The following SUSD1 variants were observed in gnomAD, a reference collection of about 807,000 sequenced individuals.
SUSD1 encodes sushi domain containing 1.
In SUSD1, 65 loss-of-function variants were observed where a neutral mutation model predicts 86.9. The observed-to-expected ratio is 0.75, with a 90% CI of 0.61 to 0.92. SUSD1 has a LOEUF of 0.92. Among genes scored for constraint, SUSD1 ranks in the 40% least tolerant of loss-of-function variants. SUSD1 has a pLI of 0.00. For missense variants in SUSD1, 850 were observed against 929.7 expected (o/e 0.91, Z 1.11); for synonymous variants, 346 against 350.0 (o/e 0.99, Z 0.13).
intron 13 of SUSD1, among the ~76,000 whole-genome samples, chr9:112,059,655 T>C (rs1828624005): frequency 6.6e-6 from 1 of 152,218 alleles, no homozygotes; most frequent in Non-Finnish European, 1.5e-5. Context: ...GTTCCCCAAT[T>C]GTGGACAGAA....
intron 15 of SUSD1, among the ~76,000 whole-genome samples, chr9:112,050,417 G>A (rs190045853): frequency 6.6e-6 from 1 of 152,320 alleles, no homozygotes; most frequent in East Asian, 1.9e-4. Flanking sequence ...AAGATCAGGA[G>A]AGAAGCAGAC....
rs1564291903 is a variant in SUSD1, at chr9:112,098,548, C to CA, written c.1395dup (p.Asp466Ter). ...AGCAGGGTCACATTCACCGTATAAT[C>CA]AGTCGTAGGGTACAGATCCAAACAC... is the stretch of plus-strand genomic sequence containing the variant. On this transcript the variant is annotated frameshift_variant, in exon 10 of 17. Transcript: ENST00000374270. LOFTEE classifies it high-confidence loss of function. 3 of 1,614,200 alleles carry CA rather than the reference C, an allele frequency of 1.9e-6. No homozygotes were observed. The highest frequency in any genetic ancestry group is 1.7e-6 in the Non-Finnish European group (2 of 1,180,024).
At chr9:112,141,835 CAT>C (rs1400740560) in intron 5 of SUSD1, among the ~76,000 whole-genome samples, 1 of 141,396 alleles carries the variant, frequency 7.1e-6, no homozygotes, top group African/African-American at 2.6e-5. Flanking sequence ...GTTATTCCCA[CAT>C]GACGTTTTTA....
intron 10 of SUSD1, among the ~76,000 whole-genome samples, chr9:112,081,049 G>A (rs2762465): frequency 0.16 from 24,922 of 152,138 alleles, 2,143 homozygotes; most frequent in East Asian, 0.24. Flanking sequence ...ATCTGATACA[G>A]TTTAATGTGG....
At chr9:112,159,986 G>A (rs1215746882) in intron 1 of SUSD1, among the ~76,000 whole-genome samples, 2 of 151,364 alleles carry the variant, frequency 1.3e-5, no homozygotes, top group South Asian at 2.1e-4. Context: ...GTCTCAGTTG[G>A]TTTGATGCCT....
intron 5 of SUSD1, among the ~76,000 whole-genome samples, chr9:112,141,177 CAGTA>C (rs1371670717): frequency 4.6e-5 from 7 of 152,258 alleles, no homozygotes; most frequent in African/African-American, 1.7e-4. Flanking sequence ...GCTGGCAGAG[CAGTA>C]AGTTTGTTTA....
chr9:112,059,740 T>C (rs1828627184), intron 13 of SUSD1, among the ~76,000 whole-genome samples: 1 of 152,206 alleles, frequency 6.6e-6, no homozygotes, highest in Non-Finnish European at 1.5e-5. Flanking sequence ...AGCCTGGCAG[T>C]GAAAGGACGT....
intron 6 of SUSD1, among the ~76,000 whole-genome samples, chr9:112,115,813 A>AAAAG: frequency 6.3e-5 from 1 of 15,952 alleles, no homozygotes; most frequent in South Asian, 4.4e-3. Flanking sequence ...CATTGCAAAA[A>AAAAG]AAAAAAAAAA....
intron 6 of SUSD1, 30 bp downstream of exon 6, chr9:112,124,227 G>A: frequency 6.3e-7 from 1 of 1,583,374 alleles, no homozygotes; most frequent in Non-Finnish European, 8.6e-7. Flanking sequence ...TTTGTTCCTG[G>A]GTAGCAGGAG....
Position 112,107,640 on chromosome 9 carries a change from C to CAA in SUSD1, c.1171+4012_1171+4013dup, listed in dbSNP as rs1830909840. ...GCTTTCAAGAAGGAAAAAAAGTAGA[C>CAA]AAAGGCATATCATGCAAATGCAAGC... On this transcript the variant is annotated intron_variant, in intron 8 of 16. Transcript: ENST00000374270. Among the ~76,000 whole-genome samples, 4 of 152,050 alleles carry CAA rather than the reference C, an allele frequency of 2.6e-5. No individual in the cohort carries two copies. The South Asian group carries it at 8.3e-4, about 32-fold the overall frequency.
rs1589671937 is a variant in SUSD1, at chr9:112,111,903, G to T, written c.985-63C>A. The T allele has an allele frequency of 1.9e-6, 3 of 1,538,496 alleles. No individual in the cohort carries two copies. In the East Asian group the frequency reaches 6.7e-5, roughly 35 times the overall value. On this transcript the variant is annotated intron_variant, in intron 7 of 16. Coordinates refer to ENST00000374270, the MANE Select transcript of SUSD1 (RefSeq NM_022486.5). ...CAGTCAAAACAATCCAGGATTTGTG[G>T]TGCTGGAGCCCATTCTCCTACTATT...
At chr9:112,107,041 G>C (rs1266503077) in intron 8 of SUSD1, among the ~76,000 whole-genome samples, 2 of 151,420 alleles carry the variant, frequency 1.3e-5, no homozygotes, top group African/African-American at 4.9e-5. Context: ...GACGCAGGAG[G>C]ATCCCTTGAG....
intron 10 of SUSD1, among the ~76,000 whole-genome samples, chr9:112,097,863 A>C (rs546940897): frequency 1.3e-5 from 2 of 152,150 alleles, no homozygotes; most frequent in South Asian, 2.1e-4. Context: ...TTGTCTGATA[A>C]ACCCACAGGA....
At chr9:112,147,836 C>T (rs986302420) in intron 3 of SUSD1, among the ~76,000 whole-genome samples, 5 of 143,666 alleles carry the variant, frequency 3.5e-5, no homozygotes, top group Non-Finnish European at 7.5e-5. Context: ...AGATCATCAT[C>T]TTATATGCTT....
intron 12 of SUSD1, among the ~76,000 whole-genome samples, chr9:112,069,232 C>T (rs571807417): frequency 3.3e-5 from 5 of 152,118 alleles, no homozygotes; most frequent in African/African-American, 1.2e-4. Flanking sequence ...AGTGTTAGGT[C>T]TAGAATTTCT....
rs916289892 is a variant in SUSD1, at chr9:112,141,845, TTA to T, written c.706+473_706+474del. Among the ~76,000 whole-genome samples the T allele has an allele frequency of 1.9e-4, 28 of 144,508 alleles. No individual in the cohort carries two copies. In the East Asian group the frequency reaches 5.0e-3, roughly 26 times the overall value. The allele number at this position is 144,508 out of a possible 152,430, so 94.8% of individuals were successfully genotyped here. A position where few individuals can be genotyped will look rare whatever the true frequency, so the allele number is the denominator to read the frequency against. ...TATATGTTATTCCCACATGACGTTT[TTA>T]TATATATATGTATATATATACATAT... is the stretch of plus-strand genomic sequence containing the variant. On this transcript the variant is annotated intron_variant, in intron 5 of 16. Coordinates refer to ENST00000374270, the MANE Select transcript of SUSD1 (RefSeq NM_022486.5).
intron 12 of SUSD1, among the ~76,000 whole-genome samples, chr9:112,075,698 T>C (rs532478156): frequency 6.6e-6 from 1 of 152,214 alleles, no homozygotes; most frequent in African/African-American, 2.4e-5. Flanking sequence ...TGAGTTATGA[T>C]TGCACCACTG....
chr9:112,086,859 G>T (rs950500588), intron 10 of SUSD1, among the ~76,000 whole-genome samples: 2 of 151,878 alleles, frequency 1.3e-5, no homozygotes, highest in African/African-American at 4.8e-5. Context: ...AACCTTTAAA[G>T]AAACTGCATT....
intron 1 of SUSD1, among the ~76,000 whole-genome samples, chr9:112,161,677 C>A (rs1193101288): frequency 6.6e-6 from 1 of 151,988 alleles, no homozygotes; most frequent in African/African-American, 2.4e-5. Flanking sequence ...CAAAAATTAG[C>A]CAGGTTCAGT....
Sources: allele counts gnomAD v4.1 joint callset (sites outside exome capture counted in the v4.1 genomes callset), GRCh38; gene constraint gnomAD v4.1.1; transcripts MANE v1.5; gene names NCBI Gene and HGNC (gene_info 2026-07-23, HGNC 2026-07-21).